SCLY: variants seen among roughly 807,000 people sequenced by gnomAD.
The protein encoded by SCLY is putative selenocysteine lyase.
SCLY carries 38 observed loss-of-function variants against 50.1 expected under a neutral mutation model. That is an observed-to-expected ratio of 0.76 (90% confidence interval 0.59 to 0.99). The LOEUF is 0.99. Among genes scored for constraint, SCLY ranks in the 50% least tolerant of loss-of-function variants. The probability of loss-of-function intolerance (pLI) is 0.00; values close to 1 mark genes in which losing one functional copy is unlikely to be tolerated. For missense variants in SCLY, 600 were observed against 620.0 expected, an observed-to-expected ratio of 0.97 and a Z score of 0.34; for synonymous variants, 243 against 249.4, an observed-to-expected ratio of 0.97 and a Z score of 0.24.
Position 238,061,111 on chromosome 2 carries a change from C to A in SCLY, c.57C>A (p.Pro19=). The A allele has an allele frequency of 6.9e-7, 1 of 1,444,832 alleles. No homozygotes were observed. The allele number at this position is 1,444,832 out of a possible 1,614,324, so 89.5% of individuals were successfully genotyped here. Residue 19 remains proline (P), a synonymous_variant, in exon 1 of 12, where the codon CCC becomes CCA. Coordinates refer to ENST00000254663, the MANE Select transcript of SCLY (RefSeq NM_016510.7). ...CGCCGGCACCCGCGGCGAGTCAGCC[C>A]AGCGGCTGCGGGAAACACAACTCGC... ...RDAPAPAASQ[P]SGCGKHNSPE... is the part of the protein sequence containing the mutation.
chr2:238,077,529 G>A (rs565187963), intron 4 of SCLY, among the ~76,000 whole-genome samples: 1 of 152,294 alleles, frequency 6.6e-6, no homozygotes, highest in Non-Finnish European at 1.5e-5. Flanking sequence ...ACCCTGGCTT[G>A]GGAATTTCCA....
chr2:238,091,521 A>ACCACC, intron 8 of SCLY: 2 of 437,218 alleles, frequency 4.6e-6, no homozygotes, highest in Non-Finnish European at 8.4e-6. Flanking sequence ...CTGTTACAGC[A>ACCACC]GAGGTGAAGT....
rs2065082082 is a variant in SCLY at position 238,067,558 on chromosome 2, G to A, written c.203-507G>A. Among the ~76,000 whole-genome samples, 1 of 152,228 alleles carries A rather than the reference G, an allele frequency of 6.6e-6. No individual in the cohort carries two copies. The highest frequency in any genetic ancestry group is 6.5e-5 in the Admixed American group (1 of 15,284). Reference sequence around the variant, plus strand: ...GATGCATAGCCCTGTTTGAAAGCAGGTGTGTCCCTGAGACAGTAACCTTTG... The same window carrying A: ...GATGCATAGCCCTGTTTGAAAGCAGATGTGTCCCTGAGACAGTAACCTTTG... On this transcript the variant is annotated intron_variant, in intron 2 of 11. Coordinates refer to ENST00000254663, the MANE Select transcript of SCLY (RefSeq NM_016510.7). This position sits in a 1 kb window ranked among gnomAD's most constrained non-coding sequence, Gnocchi z 4.3.
At chr2:238,095,956 TG>T (rs2065429094) in intron 10 of SCLY, 1 of 151,840 alleles carries the variant, frequency 6.6e-6, no homozygotes, top group African/African-American at 2.4e-5. Flanking sequence ...TGCCCAGGCT[TG>T]AGTACAGTGG....
chr2:238,081,877 G>A (rs188017860), intron 5 of SCLY, 41 bp downstream of exon 5: 3 of 1,605,056 alleles, frequency 1.9e-6, no homozygotes, highest in Admixed American at 3.3e-5. Context: ...AGCTCATGGG[G>A]AAGAACAGCA....
At chr2:238,089,289 G>T (rs534624414) in intron 7 of SCLY, among the ~76,000 whole-genome samples, 10 of 152,276 alleles carry the variant, frequency 6.6e-5, no homozygotes, top group African/African-American at 2.4e-4. Context: ...TAGATTGGAA[G>T]ATTCTACATA....
Position 238,094,455 on chromosome 2 carries a change from C to A in SCLY, c.1041C>A (p.Ser347Arg). The stretch of plus-strand genomic sequence containing the variant: ...GTCAGAAGAGAATCCATCTGAATAG[C>A]CAGTTTCCAGGCACCCAGCGGCTTC... ...EFGQKRIHLN[S>R]QFPGTQRLPN... Residue 347 changes from serine (S) to arginine (R), a missense_variant, in exon 10 of 12, where the codon AGC becomes AGA. Ser to Arg is a moderately radical substitution (Grantham distance 110). Transcript: ENST00000254663. 2 of 1,614,164 alleles carry A rather than the reference C, an allele frequency of 1.2e-6. No homozygotes were observed. Among genetic ancestry groups the A allele is most frequent in the Non-Finnish European group, 1.7e-6 (2 of 1,180,014 alleles).
intron 4 of SCLY, chr2:238,079,439 C>A (rs1046024380): frequency 6.6e-6 from 1 of 152,154 alleles, no homozygotes; most frequent in Admixed American, 6.6e-5. Context: ...CTTGAGTAAT[C>A]TTCTTAGTTG....
intron 10 of SCLY, chr2:238,095,880 A>G (rs2065427278): frequency 6.6e-6 from 1 of 150,754 alleles, no homozygotes; most frequent in African/African-American, 2.4e-5. Flanking sequence ...AGCTGGGACT[A>G]CAGGCATGCA....
At chr2:238,091,546 T>TA in intron 8 of SCLY, 28 of 409,766 alleles carry the variant, frequency 6.8e-5, no homozygotes, top group South Asian at 1.5e-4. Flanking sequence ...AGCTGCAGGT[T>TA]CACCATTCCC....
chr2:238,061,373 G>A (rs1034846370), intron 1 of SCLY: 1 of 687,068 alleles, frequency 1.5e-6, no homozygotes, highest in Non-Finnish European at 2.7e-6. Context: ...CGAAACCCGA[G>A]TGACTTCCAG....
chr2:238,064,437 C>T lies in SCLY; in HGVS notation c.170C>T (p.Ala57Val). ...GCCATGACCAAGGCCATGTGGGAAG[C>T]CTGGGGAAATCCCAGCAGCCCGTAT... ...IQAMTKAMWE[A>V]WGNPSSPYSA... Residue 57 changes from alanine (A) to valine (V), a missense_variant, in exon 2 of 12, where the codon GCC becomes GTC. Physicochemically the swap from Ala to Val is moderately conservative, Grantham distance 64. Transcript: ENST00000254663. The T allele has an allele frequency of 1.2e-6, 2 of 1,609,914 alleles. No homozygotes were observed. The highest frequency in any genetic ancestry group is 1.3e-5 in the African/African-American group (1 of 74,750).
At chr2:238,094,276 C>A (rs1236240269) in intron 9 of SCLY, 144 bp from the exon 10 acceptor site, 1 of 721,670 alleles carries the variant, frequency 1.4e-6, no homozygotes, top group Non-Finnish European at 2.4e-6. Flanking sequence ...TTCCATAGTC[C>A]GTCCCCGTAA....
chr2:238,089,080 CAAGAT>C (rs1392082002), intron 7 of SCLY, among the ~76,000 whole-genome samples: 1 of 152,088 alleles, frequency 6.6e-6, no homozygotes, highest in Non-Finnish European at 1.5e-5. Flanking sequence ...TTGCAGGACA[CAAGAT>C]AAACATGCAA....
intron 7 of SCLY, among the ~76,000 whole-genome samples, chr2:238,085,685 C>G (rs2065288490): frequency 6.6e-6 from 1 of 151,858 alleles, no homozygotes; most frequent in African/African-American, 2.4e-5. Flanking sequence ...CGAGATCGTG[C>G]CACTCCAGCC....
intron 1 of SCLY, among the ~76,000 whole-genome samples, chr2:238,061,686 C>A (rs997358696): frequency 6.6e-6 from 1 of 152,036 alleles, no homozygotes; most frequent in Non-Finnish European, 1.5e-5. Flanking sequence ...ATGTGGTGTG[C>A]GCCCAGAAAC....
Position 238,064,307 on chromosome 2 carries a change from A to G in SCLY, c.90-50A>G, listed in dbSNP as rs201120697. The G allele has an allele frequency of 5.7e-5, 70 of 1,226,798 alleles. No individual in the cohort carries two copies. The African/African-American group carries it at 6.4e-4, about 11-fold the overall frequency. The allele number at this position is 1,226,798 out of a possible 1,614,324, so 76.0% of individuals were successfully genotyped here. ...TAGACACAGAGCAGCCATATTTCCC[A>G]TATGCCATCTCCTTTTCCTTAATGG... On this transcript the variant is annotated intron_variant, in intron 1 of 11. Transcript: ENST00000254663.
Position 238,062,563 on chromosome 2 carries a change from C to T in SCLY, c.89+1420C>T, listed in dbSNP as rs538649360. 5.3e-5 allele frequency among the ~76,000 whole-genome samples: 8 copies of T among 152,338 alleles called. No homozygotes were observed. The South Asian group carries it at 1.7e-3, about 32-fold the overall frequency. The stretch of plus-strand genomic sequence containing the variant: ...TAGCTGGGATTACAGGCACGTGCCA[C>T]CACGTCCAGCTAATTTTATTGTATT... On this transcript the variant is annotated intron_variant, in intron 1 of 11. Transcript: ENST00000254663.
chr2:238,081,649 C>A, intron 4 of SCLY, 60 bp from the exon 5 acceptor site: 2 of 1,574,460 alleles, frequency 1.3e-6, no homozygotes, highest in Non-Finnish European at 1.7e-6. Context: ...TCTGTTGGAA[C>A]GCAGTTTTGA....
Sources: gnomAD v4.1 joint callset for allele counts (sites outside exome capture counted in the v4.1 genomes callset) on GRCh38, gnomAD v4.1.1 for gene constraint, Gnocchi (gnomAD v3.1) non-coding constraint, MANE v1.5 for transcripts, NCBI Gene and HGNC (gene_info 2026-07-23, HGNC 2026-07-21) for gene names.